FAM200A: variants seen among roughly 807,000 people sequenced by gnomAD.
FAM200A encodes ZBED8 like, also known as protein FAM200A.
A neutral mutation model predicts 44.2 loss-of-function variants in FAM200A; 26 were observed. The ratio of observed to expected loss-of-function variants is 0.59; its 90% CI spans 0.43 to 0.82. The LOEUF (loss-of-function observed/expected upper bound fraction) is 0.82. FAM200A is among the 40% of genes least tolerant of loss of function. FAM200A has a pLI of 0.00. For missense variants in FAM200A, 606 were observed against 669.5 expected (o/e 0.91, Z 1.05); for synonymous variants, 206 against 244.4 (o/e 0.84, Z 1.47).
rs1802394801 is a variant in FAM200A at position 99,546,752 on chromosome 7, T to C, written c.1656A>G (p.Val552=). 1.9e-6 allele frequency: 3 copies of C among 1,549,786 alleles called. No homozygotes were observed. Among genetic ancestry groups the C allele is most frequent in the Non-Finnish European group, 2.6e-6 (3 of 1,146,510 alleles). ...AGTCAGGAACACATGAAGATAATGC[T>C]ACCCGCATATCTGGTGCACTATTGA... ...NRLNSAPDMR[V]ALSSCVPDWK... is the part of the protein sequence containing the mutation. Residue 552 remains valine, a synonymous_variant, in exon 2 of 2, where the codon GTA becomes GTG. Transcript: ENST00000449309.
chr7:99,553,046 CACACAT>C (rs1327504771), upstream of FAM200A, among the ~76,000 whole-genome samples: 1,215 of 128,226 alleles, frequency 9.5e-3, 27 homozygotes, highest in African/African-American at 0.036. Flanking sequence ...TATATATACA[CACACAT>C]ATATATATAT....
chr7:99,547,995 A>C lies in FAM200A; in HGVS notation c.413T>G (p.Ile138Arg). 1 of 1,551,526 alleles carries C rather than the reference A, an allele frequency of 6.4e-7. No individual in the cohort carries two copies. Among genetic ancestry groups the C allele is most frequent in the Non-Finnish European group, 8.7e-7 (1 of 1,146,988 alleles). ...CTCATCGAGTTGGATTGCAAAGTCT[A>C]TACCGGACTGCAGCCGTGTAATAAG... ...AMLITRLQSG[I>R]DFAIQLDEST... The change falls in exon 2 of 2, where the codon ATA becomes AGA. Residue 138 changes from isoleucine to arginine, a missense_variant. Ile to Arg is a moderately conservative substitution (Grantham distance 97). Coordinates refer to ENST00000449309, the MANE Select transcript of FAM200A (RefSeq NM_145111.4).
chr7:99,552,193 T>C, upstream of FAM200A: 1 of 984,558 alleles, frequency 1.0e-6, no homozygotes, highest in Non-Finnish European at 1.2e-6. Context: ...CGGGAGGACT[T>C]TGCATCCCTG....
At chr7:99,551,712 G>A (rs1226634425) in intron 1 of FAM200A, 142 bp downstream of exon 1, 2 of 616,906 alleles carry the variant, frequency 3.2e-6, no homozygotes, top group African/African-American at 2.0e-5. Context: ...GGGGAGCACA[G>A]ATATCTGACT....
At chr7:99,553,097 ATATTTT>A (rs1420111351), upstream of FAM200A, among the ~76,000 whole-genome samples, 365 of 78,030 alleles carry the variant, frequency 4.7e-3, no homozygotes, top group African/African-American at 0.019. Flanking sequence ...ATATATATAT[ATATTTT>A]TTTTTTTTTT....
Position 99,547,236 on chromosome 7 carries a change from C to T in FAM200A, c.1172G>A (p.Ser391Asn), listed in dbSNP as rs2151128268. ...AAACATATAGTAGCTAGGGCGGTTA[C>T]TTTTAAGTCTTGCTTGCCACAATAA... is the stretch of plus-strand genomic sequence containing the variant. ...TLLLWQARLKSNRPSYYMFPT... is the reference protein window; with the variant it reads ...TLLLWQARLKNNRPSYYMFPT... Residue 391 changes from serine (S) to asparagine (N), a missense_variant, in exon 2 of 2, where the codon AGT becomes AAT. Physicochemically the swap from Ser to Asn is conservative, Grantham distance 46. Transcript: ENST00000449309. The T allele has an allele frequency of 1.3e-6, 2 of 1,551,340 alleles. No individual in the cohort carries two copies. Among genetic ancestry groups the T allele is most frequent in the Non-Finnish European group, 8.7e-7 (1 of 1,146,898 alleles).
At chr7:99,549,491 C>T (rs6961540) in intron 1 of FAM200A, among the ~76,000 whole-genome samples, 33 of 152,114 alleles carry the variant, frequency 2.2e-4, no homozygotes, top group Admixed American at 2.1e-3. Flanking sequence ...GACAGTGTGG[C>T]GATTCCTCAA....
Position 99,547,467 on chromosome 7 carries a change from T to C in FAM200A, c.941A>G (p.Tyr314Cys), listed in dbSNP as rs1802416009. Residue 314 changes from tyrosine (Y) to cysteine (C), a missense_variant, in exon 2 of 2, where the codon TAT (tyrosine) becomes TGT (cysteine). Physicochemically the swap from Tyr to Cys is radical, Grantham distance 194. Transcript: ENST00000449309. ...LSQGKVLSRV[Y>C]ELRNEIYIFL... ...AATGTAAATCTCGTTCCTGAGTTCATATACTCTGCTCAATACTTTTCCTTG... is the reference window on the plus strand; with the variant it reads ...AATGTAAATCTCGTTCCTGAGTTCACATACTCTGCTCAATACTTTTCCTTG... The C allele has an allele frequency of 3.9e-6, 6 of 1,551,252 alleles. No homozygotes were observed. The highest frequency in any genetic ancestry group is 5.2e-6 in the Non-Finnish European group (6 of 1,146,858).
intron 1 of FAM200A, among the ~76,000 whole-genome samples, chr7:99,549,481 G>T (rs1802479898): frequency 6.6e-6 from 1 of 152,204 alleles, no homozygotes; most frequent in Non-Finnish European, 1.5e-5. Context: ...CACTGTGGAA[G>T]ACAGTGTGGC....
At chr7:99,556,605 T>C (rs1292931031), upstream of FAM200A, among the ~76,000 whole-genome samples, 6 of 152,326 alleles carry the variant, frequency 3.9e-5, no homozygotes, top group East Asian at 1.2e-3. Flanking sequence ...ACCATCCTGA[T>C]TACTGTACCT....
In FAM200A at chr7:99,552,012, G is replaced by T. The variant is rs1199105964; in HGVS notation, c.-258C>A. On this transcript the variant is annotated 5_prime_UTR_variant, in exon 1 of 2. Transcript: ENST00000449309. ...ACGTCCAACTCTGTCCCCGCCCGGA[G>T]AAGTCTGGGATGCTGGGATAGAAGG... 1.0e-5 allele frequency: 10 copies of T among 985,494 alleles called. No individual in the cohort carries two copies. The highest frequency in any genetic ancestry group is 1.7e-5 in the African/African-American group (1 of 57,256). 61.0% of individuals were successfully genotyped at this position (985,494 alleles called of 1,614,324 possible).
At chr7:99,552,194 T>C (rs1802553488), upstream of FAM200A, 4 of 984,452 alleles carry the variant, frequency 4.1e-6, no homozygotes, top group Non-Finnish European at 4.8e-6. Flanking sequence ...GGGAGGACTT[T>C]GCATCCCTGT....
In FAM200A at chr7:99,547,216, T is replaced by C. The variant is rs1464834283; in HGVS notation, c.1192A>G (p.Met398Val). Residue 398 changes from methionine (M) to valine (V), a missense_variant, in exon 2 of 2, where the codon ATG becomes GTG. Met to Val is a conservative substitution (Grantham distance 21). Coordinates refer to ENST00000449309, the MANE Select transcript of FAM200A (RefSeq NM_145111.4). ...ATGTGTTGCAATAATGTTGGAAACATATAGTAGCTAGGGCGGTTACTTTTA... is the reference window on the plus strand; with the variant it reads ...ATGTGTTGCAATAATGTTGGAAACACATAGTAGCTAGGGCGGTTACTTTTA... Reference protein sequence around the residue: ...RLKSNRPSYYMFPTLLQHIEE... With the variant: ...RLKSNRPSYYVFPTLLQHIEE... 1.3e-6 allele frequency: 2 copies of C among 1,550,564 alleles called. No homozygotes were observed. Among genetic ancestry groups the C allele is most frequent in the African/African-American group, 1.4e-5 (1 of 73,040 alleles).
chr7:99,547,210 G>C lies in FAM200A; in HGVS notation c.1198C>G (p.Pro400Ala). 1 of 1,549,852 alleles carries C rather than the reference G, an allele frequency of 6.5e-7. No individual in the cohort carries two copies. Among genetic ancestry groups the C allele is most frequent in the South Asian group, 1.2e-5 (1 of 83,254 alleles). The change falls in exon 2 of 2, where the codon CCA (proline) becomes GCA (alanine). Residue 400 changes from proline (P) to alanine (A), a missense_variant. Pro to Ala is a conservative substitution (Grantham distance 27). Transcript: ENST00000449309. ...KSNRPSYYMFPTLLQHIEENI... is the reference protein window; with the variant it reads ...KSNRPSYYMFATLLQHIEENI... ...TCTTCGATGTGTTGCAATAATGTTG[G>C]AAACATATAGTAGCTAGGGCGGTTA...
Position 99,548,389 on chromosome 7 carries a change from C to G in FAM200A, c.19G>C (p.Asp7His), listed in dbSNP as rs1202949390. MTPESR[D>H]TTDLSPGGTQ... ...CCCCCTGGAGACAAATCTGTAGTAT[C>G]CCTTGATTCAGGAGTCATTATTCAG... Residue 7 changes from aspartate to histidine, a missense_variant, in exon 2 of 2, where the codon GAT becomes CAT. Physicochemically the swap from Asp to His is moderately conservative, Grantham distance 81. Coordinates refer to ENST00000449309, the MANE Select transcript of FAM200A (RefSeq NM_145111.4). 1 of 1,613,646 alleles carries G rather than the reference C, an allele frequency of 6.2e-7. No homozygotes were observed.
chr7:99,557,396 C>T (rs577622222), intron 1 of FAM200A, among the ~76,000 whole-genome samples: 5 of 152,288 alleles, frequency 3.3e-5, no homozygotes, highest in African/African-American at 9.6e-5. Flanking sequence ...GAACTCCAAA[C>T]CTTTAGCTCT....
rs1309330418 is a variant in FAM200A, at chr7:99,548,942, C to T, written c.-99-436G>A. On this transcript the variant is annotated intron_variant, in intron 1 of 1. Transcript: ENST00000449309. ...TTGCCCAGGCTGGAGTGCAAGGGCA[C>T]GATCTCGGCTCACTGCAACCTCCAC... 5.2e-5 allele frequency among the ~76,000 whole-genome samples: 7 copies of T among 135,212 alleles called. No homozygotes were observed. The Admixed American group carries it at 5.4e-4, about 10-fold the overall frequency. The allele number at this position is 135,212 out of a possible 152,430, so 88.7% of individuals were successfully genotyped here. A position where few individuals can be genotyped will look rare whatever the true frequency, so the allele number is the denominator to read the frequency against.
chr7:99,551,824 C>A lies in FAM200A; in HGVS notation c.-100+30G>T, dbSNP rs912496547. Reference sequence around the variant, plus strand: ...CTCCAGTCCCAGGGGTGTCTCCAATCCGGAAACCAAAACTTCGTTCCCTTC... The same window carrying A: ...CTCCAGTCCCAGGGGTGTCTCCAATACGGAAACCAAAACTTCGTTCCCTTC... On this transcript the variant is annotated intron_variant, in intron 1 of 1. Coordinates refer to ENST00000449309, the MANE Select transcript of FAM200A (RefSeq NM_145111.4). The A allele has an allele frequency of 1.8e-5, 18 of 985,362 alleles. No individual in the cohort carries two copies. The Admixed American group carries it at 6.1e-4, about 34-fold the overall frequency. 61.0% of individuals were successfully genotyped at this position (985,362 alleles called of 1,614,324 possible). A position where few individuals can be genotyped will look rare whatever the true frequency, so the allele number is the denominator to read the frequency against.
upstream of FAM200A, among the ~76,000 whole-genome samples, chr7:99,552,815 G>C (rs761311145): frequency 1.2e-4 from 18 of 151,766 alleles, no homozygotes; most frequent in Non-Finnish European, 2.5e-4. Context: ...AAAAGGAACG[G>C]CTACCTGATA....
Sources: allele counts gnomAD v4.1 joint callset (sites outside exome capture counted in the v4.1 genomes callset), GRCh38; gene constraint gnomAD v4.1.1; transcripts MANE v1.5; gene names NCBI Gene and HGNC (gene_info 2026-07-23, HGNC 2026-07-21).